CENPE: variants seen among roughly 807,000 people sequenced by gnomAD.
The protein encoded by CENPE is centromere-associated protein E.
In CENPE, 145 loss-of-function variants were observed where a neutral mutation model predicts 336.1. The ratio of observed to expected loss-of-function variants is 0.43; its 90% confidence interval spans 0.38 to 0.50. The LOEUF is 0.50. Among genes scored for constraint, CENPE ranks in the 20% least tolerant of loss-of-function variants. The pLI, the probability that CENPE is intolerant of heterozygous loss-of-function variation, is 0.00. For synonymous variants in CENPE, 1,013 were observed against 984.8 expected (o/e 1.03, Z -0.54); for missense variants, 2,719 against 3,023.3 (o/e 0.90, Z 2.36).
intron 42 of CENPE, among the ~76,000 whole-genome samples, chr4:103,129,006 A>G (rs1337430244): frequency 1.3e-5 from 2 of 152,196 alleles, no homozygotes; most frequent in Non-Finnish European, 2.9e-5. Flanking sequence ...CAAATTACTA[A>G]TATCAGAAAT....
chr4:103,189,635 C>T lies in CENPE; in HGVS notation c.694-3774G>A, dbSNP rs188585014. On this transcript the variant is annotated intron_variant, in intron 8 of 48. Coordinates refer to ENST00000265148, the MANE Select transcript of CENPE (RefSeq NM_001813.3). Reference sequence around the variant, plus strand: ...CTCAATAAGTTAGGTATTGATGGGACGTATCTCAAAATAATAACAGCTATC... The same window carrying T: ...CTCAATAAGTTAGGTATTGATGGGATGTATCTCAAAATAATAACAGCTATC... Among the ~76,000 whole-genome samples the T allele has an allele frequency of 7.9e-5, 12 of 152,224 alleles. No individual in the cohort carries two copies. The South Asian group carries it at 1.0e-3, about 13-fold the overall frequency.
intron 45 of CENPE, 109 bp from the exon 46 acceptor site, chr4:103,114,661 C>CTGTA: frequency 1.5e-6 from 1 of 677,344 alleles, no homozygotes; most frequent in East Asian, 2.7e-5. Flanking sequence ...GACATAATGC[C>CTGTA]TGTAAGTGGC....
At chr4:103,137,903 C>T (rs1268288489) in intron 39 of CENPE, among the ~76,000 whole-genome samples, 1 of 152,134 alleles carries the variant, frequency 6.6e-6, no homozygotes, top group Admixed American at 6.5e-5. Context: ...GGATCTCCAC[C>T]TCACTTAATA....
chr4:103,111,035 A>G, intron 46 of CENPE, 24 bp from the exon 47 acceptor site: 3 of 1,503,612 alleles, frequency 2.0e-6, no homozygotes, highest in Non-Finnish European at 2.7e-6. Context: ...ATATACAAAT[A>G]GGTGATAATT....
chr4:103,173,939 G>C (rs1755641137), intron 16 of CENPE, among the ~76,000 whole-genome samples: 1 of 151,814 alleles, frequency 6.6e-6, no homozygotes, highest in Admixed American at 6.6e-5. Flanking sequence ...AAAACAGTAT[G>C]ACGGTTCCTC....
chr4:103,163,517 A>C lies in CENPE; in HGVS notation c.1684T>G (p.Leu562Val), dbSNP rs767620616. The change falls in exon 17 of 49, where the codon TTA (leucine) becomes GTA (valine). Residue 562 changes from leucine to valine, a missense_variant. Transcript: ENST00000265148. ...LIHEISNLKN[L>V]VKHAEVYNQD... ...TTATATACTTCTGCATGCTTAACTA[A>C]ATTCTTTAAGTTCGAAATTTCATGA... 1.3e-6 allele frequency: 2 copies of C among 1,596,000 alleles called. No homozygotes were observed. Among genetic ancestry groups the C allele is most frequent in the South Asian group, 1.1e-5 (1 of 87,246 alleles).
At position 103,145,039 on chromosome 4, in the gene CENPE, TGG is replaced by T; in HGVS notation, c.4857+9_4857+10del. On this transcript the variant is annotated intron_variant, in intron 32 of 48. Transcript: ENST00000265148. ...GTATCCAAAAAAAAAAAAAATAAGA[TGG>T]GAACTTACTTTAGCTACAATTTCTT... 1 of 1,481,574 alleles carries T rather than the reference TGG, an allele frequency of 6.7e-7. No individual in the cohort carries two copies. Among genetic ancestry groups the T allele is most frequent in the Non-Finnish European group, 8.9e-7 (1 of 1,118,496 alleles). The allele number at this position is 1,481,574 out of a possible 1,614,324, so 91.8% of individuals were successfully genotyped here.
At chr4:103,129,912 A>G (rs568172598) in intron 42 of CENPE, among the ~76,000 whole-genome samples, 1 of 152,356 alleles carries the variant, frequency 6.6e-6, no homozygotes, top group African/African-American at 2.4e-5. Context: ...CATAGGCTAA[A>G]GAAGAAAAAT....
intron 41 of CENPE, 44 bp downstream of exon 41, chr4:103,133,651 A>C: frequency 1.5e-6 from 2 of 1,310,820 alleles, no homozygotes; most frequent in South Asian, 2.6e-5. Flanking sequence ...CTACTTGATA[A>C]AAAGGCTTAA....
chr4:103,133,426 T>C (rs961257776), intron 41 of CENPE, among the ~76,000 whole-genome samples: 18 of 152,148 alleles, frequency 1.2e-4, no homozygotes, highest in Non-Finnish European at 2.5e-4. Flanking sequence ...CAGCCTCACA[T>C]AGATGAATGC....
At chr4:103,166,608 C>T (rs536874298) in intron 16 of CENPE, among the ~76,000 whole-genome samples, 7 of 152,102 alleles carry the variant, frequency 4.6e-5, no homozygotes, top group African/African-American at 1.7e-4. Flanking sequence ...TTCTTTTTTC[C>T]TTTAAAAATG....
intron 39 of CENPE, among the ~76,000 whole-genome samples, chr4:103,137,653 C>T (rs925237001): frequency 1.3e-5 from 2 of 152,144 alleles, no homozygotes; most frequent in Non-Finnish European, 2.9e-5. Flanking sequence ...TGCATTCCAA[C>T]AGGTGTGACT....
intron 33 of CENPE, among the ~76,000 whole-genome samples, chr4:103,144,085 C>T (rs1045929582): frequency 9.9e-5 from 15 of 152,042 alleles, no homozygotes; most frequent in African/African-American, 3.6e-4. Flanking sequence ...TACAGGCGCC[C>T]ACCACCACGC....
chr4:103,188,525 C>T (rs1382554283), intron 8 of CENPE, among the ~76,000 whole-genome samples: 7 of 152,152 alleles, frequency 4.6e-5, no homozygotes, highest in Non-Finnish European at 1.0e-4. Context: ...AACTGAACAA[C>T]CTGCTCCTGA....
intron 8 of CENPE, among the ~76,000 whole-genome samples, chr4:103,187,102 G>T (rs999152549): frequency 1.1e-4 from 16 of 152,260 alleles, no homozygotes; most frequent in African/African-American, 3.9e-4. Context: ...TTATGCAAGG[G>T]AGTAATAGAA....
At chr4:103,145,722 T>C in intron 30 of CENPE, 41 bp from the exon 31 acceptor site, 1 of 1,524,662 alleles carries the variant, frequency 6.6e-7, no homozygotes, top group Non-Finnish European at 8.8e-7. Context: ...TATAGAAACA[T>C]TATAACTATT....
intron 4 of CENPE, 87 bp from the exon 5 acceptor site, chr4:103,195,320 A>T: frequency 8.7e-7 from 1 of 1,148,560 alleles, no homozygotes. Flanking sequence ...TAAAGAGGTA[A>T]AATGTATGTA....
intron 26 of CENPE, among the ~76,000 whole-genome samples, chr4:103,150,980 T>C (rs1461875356): frequency 6.6e-6 from 1 of 152,214 alleles, no homozygotes. Flanking sequence ...ATACATCATA[T>C]GATTTGTTTA....
chr4:103,161,126 T>C lies in CENPE; in HGVS notation c.2091A>G (p.Ile697Met), dbSNP rs1311301857. 1 of 1,607,318 alleles carries C rather than the reference T, an allele frequency of 6.2e-7. No individual in the cohort carries two copies. Among genetic ancestry groups the C allele is most frequent in the African/African-American group, 1.3e-5 (1 of 74,674 alleles). Residue 697 changes from isoleucine to methionine, a missense_variant, in exon 20 of 49, where the codon ATA (isoleucine) becomes ATG (methionine). This residue lies in a region of CENPE where 2,437 missense variants were observed against 2,513.3 expected (regional missense o/e 0.97). Coordinates refer to ENST00000265148, the MANE Select transcript of CENPE (RefSeq NM_001813.3). ...EKELQSAFNE[I>M]TKLTSLIDGK... ...CATCTATAAGGGAGGTGAGTTTTGT[T>C]ATCTCATTAAAAGCAGATTGTAATT...
Sources: gnomAD v4.1 joint callset for allele counts (sites outside exome capture counted in the v4.1 genomes callset) on GRCh38, gnomAD v4.1.1 for gene constraint, gnomAD v4.1.1 regional missense constraint, MANE v1.5 for transcripts, NCBI Gene and HGNC (gene_info 2026-07-23, HGNC 2026-07-21) for gene names.